The following SLC4A1 variants were observed in gnomAD, a reference collection of about 807,000 sequenced individuals.
SLC4A1 encodes the protein solute carrier family 4 member 1 (Diego blood group), also known as band 3 anion transport protein.
SLC4A1 carries 29 observed loss-of-function variants against 93.1 expected under a neutral mutation model. That is an observed-to-expected ratio of 0.31 (90% confidence interval 0.23 to 0.42). The LOEUF (loss-of-function observed/expected upper bound fraction) is 0.42, where lower values mean the gene tolerates loss of function less well. Among genes scored for constraint, SLC4A1 ranks in the 20% least tolerant of loss-of-function variants. SLC4A1 has a pLI of 1.00. For missense variants in SLC4A1, 965 were observed against 1,190.1 expected, an observed-to-expected ratio of 0.81 and a Z score of 2.78; for synonymous variants, 469 against 497.2, an observed-to-expected ratio of 0.94 and a Z score of 0.76.
At chr17:44,262,815 C>T (rs773994739) in intron 2 of SLC4A1, 37 bp downstream of exon 2, 19 of 1,611,894 alleles carry the variant, frequency 1.2e-5, no homozygotes, top group Non-Finnish European at 1.5e-5. Flanking sequence ...CCCAGAGCCT[C>T]CAGGTGGGAG....
chr17:44,261,487 C>A, intron 4 of SLC4A1, 88 bp downstream of exon 4: 1 of 1,609,312 alleles, frequency 6.2e-7, no homozygotes, highest in East Asian at 2.2e-5. Context: ...CCTGAAGCTG[C>A]CTCTATCCCC....
intron 3 of SLC4A1, among the ~76,000 whole-genome samples, chr17:44,262,387 C>T (rs1393209283): frequency 6.6e-6 from 1 of 152,248 alleles, no homozygotes; most frequent in African/African-American, 2.4e-5. Flanking sequence ...CGCCCTTGTC[C>T]CAAACTGGCT....
Position 44,262,914 on chromosome 17 carries a change from C to T in SLC4A1, c.-48G>A, listed in dbSNP as rs766648111. The T allele has an allele frequency of 1.2e-6, 2 of 1,613,614 alleles. No individual in the cohort carries two copies. Among genetic ancestry groups the T allele is most frequent in the Admixed American group, 1.7e-5 (1 of 60,030 alleles). On this transcript the variant is annotated 5_prime_UTR_variant, in exon 2 of 20. An upstream start codon of the reference 5' UTR is lost. Transcript: ENST00000262418. ...TGTCTACGGTGATCTGAGCCCCCAG[C>T]ATAACCCGCACCGCGGGTCCCTGCA...
At chr17:44,251,967 C>G (rs1198283728) in intron 17 of SLC4A1, among the ~76,000 whole-genome samples, 3 of 150,410 alleles carry the variant, frequency 2.0e-5, no homozygotes, top group South Asian at 2.1e-4. Context: ...GTCTTGAACT[C>G]CTGGGCTCAA....
chr17:44,257,913 G>T, intron 11 of SLC4A1, 73 bp downstream of exon 11: 1 of 1,606,982 alleles, frequency 6.2e-7, no homozygotes. Flanking sequence ...GTCAGACAGA[G>T]TCAGAAGTTG....
intron 2 of SLC4A1, 34 bp downstream of exon 2, chr17:44,262,818 G>C (rs781444304): frequency 1.2e-6 from 2 of 1,611,932 alleles, no homozygotes; most frequent in Non-Finnish European, 1.7e-6. Flanking sequence ...AGAGCCTCCA[G>C]GTGGGAGCAC....
At chr17:44,260,150 C>G (rs372028901) in intron 6 of SLC4A1, among the ~76,000 whole-genome samples, 1 of 152,176 alleles carries the variant, frequency 6.6e-6, no homozygotes, top group African/African-American at 2.4e-5. Context: ...TCTGGAATGA[C>G]GAGGCGGGAT....
chr17:44,262,965 A>G (rs1172707434), intron 1 of SLC4A1, 31 bp from the exon 2 acceptor site: 1 of 1,594,772 alleles, frequency 6.3e-7, no homozygotes, highest in African/African-American at 1.3e-5. Flanking sequence ...TGAGTGGGGC[A>G]CAGGGCATCC....
At chr17:44,252,334 A>G (rs1331133791) in intron 17 of SLC4A1, among the ~76,000 whole-genome samples, 1 of 152,068 alleles carries the variant, frequency 6.6e-6, no homozygotes, top group African/African-American at 2.4e-5. Context: ...CCCGGCCTCT[A>G]TCGGTCCTTT....
At position 44,259,725 on chromosome 17, in the gene SLC4A1, G is replaced by A. The variant is rs2047424927; in HGVS notation, c.609+84C>T. 3.1e-6 allele frequency: 5 copies of A among 1,605,198 alleles called. No homozygotes were observed. In the South Asian group the frequency reaches 3.3e-5, roughly 11 times the overall value. On this transcript the variant is annotated intron_variant, in intron 7 of 19. Transcript: ENST00000262418. ...GCTTCTGGTCCCCTGCTTGTGGTCG[G>A]TTTTTCAGGACCCCTGCTGGCGTTT...
chr17:44,260,053 C>A, intron 6 of SLC4A1, 121 bp from the exon 7 acceptor site: 1 of 1,279,182 alleles, frequency 7.8e-7, no homozygotes, highest in Non-Finnish European at 1.1e-6. Context: ...ACATCTGGGA[C>A]TTCCCAGACC....
chr17:44,258,827 A>G lies in SLC4A1; in HGVS notation c.877-204T>C, dbSNP rs1318056926. ...ACAGACGGGGGCCCTGGGTGGGGAA[A>G]GGAGAAGGAACTAAAGCTAACCTGG... On this transcript the variant is annotated intron_variant, in intron 9 of 19. Coordinates refer to ENST00000262418, the MANE Select transcript of SLC4A1 (RefSeq NM_000342.4). This position sits in a 1 kb window ranked among gnomAD's most constrained non-coding sequence, Gnocchi z 6.1. Among the ~76,000 whole-genome samples, 1 of 152,104 alleles carries G rather than the reference A, an allele frequency of 6.6e-6. No homozygotes were observed. Among genetic ancestry groups the G allele is most frequent in the Non-Finnish European group, 1.5e-5 (1 of 68,018 alleles).
intron 14 of SLC4A1, among the ~76,000 whole-genome samples, 185 bp downstream of exon 14, chr17:44,255,488 T>C (rs1037877872): frequency 6.6e-6 from 1 of 151,898 alleles, no homozygotes; most frequent in African/African-American, 2.4e-5. Context: ...GGGCATGCCA[T>C]GAAAGTGGGA....
intron 4 of SLC4A1, 152 bp downstream of exon 4, chr17:44,261,423 C>T (rs1297449930): frequency 2.2e-6 from 3 of 1,340,814 alleles, no homozygotes; most frequent in Non-Finnish European, 2.1e-6. Flanking sequence ...GGGCGTCCCT[C>T]CCACCTGTTT....
intron 17 of SLC4A1, 132 bp from the exon 18 acceptor site, chr17:44,251,720 C>T (rs375109617): frequency 0.011 from 4,292 of 389,708 alleles, no homozygotes; most frequent in South Asian, 0.022. Flanking sequence ...CTTTTCTTTT[C>T]TTTTTTTTTT....
intron 2 of SLC4A1, 50 bp from the exon 3 acceptor site, chr17:44,262,776 C>T (rs1452599201): frequency 1.2e-6 from 2 of 1,608,776 alleles, no homozygotes; most frequent in Non-Finnish European, 1.7e-6. Context: ...CTTCCACCCC[C>T]AACGAAGATA....
Position 44,250,074 on chromosome 17 carries a change from G to T in SLC4A1, c.*384C>A. On this transcript the variant is annotated 3_prime_UTR_variant, in exon 20 of 20. Transcript: ENST00000262418. Reference sequence around the variant, plus strand: ...GGAAATATAGGCTGGAAAGGTCAAGGGACTTGCCCAAGGTCACACAGCAAG... The same window carrying T: ...GGAAATATAGGCTGGAAAGGTCAAGTGACTTGCCCAAGGTCACACAGCAAG... The T allele has an allele frequency of 3.3e-6, 1 of 301,394 alleles. No individual in the cohort carries two copies. Among genetic ancestry groups the T allele is most frequent in the Middle Eastern group, 1.2e-3 (1 of 852 alleles). The allele number at this position is 301,394 out of a possible 1,614,324, so 18.7% of individuals were successfully genotyped here.
In SLC4A1 at chr17:44,259,134, C is replaced by T. The variant is rs1365192058; in HGVS notation, c.876+29G>A. 7.4e-6 allele frequency: 12 copies of T among 1,611,992 alleles called. No individual in the cohort carries two copies. In the East Asian group the frequency reaches 2.2e-4, roughly 30 times the overall value. ...CCACCATGCAGGTCCCAAGCTTCCC[C>T]AGCCCAGCCCTCTCCGGCCCTTCCT... On this transcript the variant is annotated intron_variant, in intron 9 of 19. Transcript: ENST00000262418.
chr17:44,251,449 C>T lies in SLC4A1; in HGVS notation c.2451G>A (p.Lys817=). 1.9e-6 allele frequency: 3 copies of T among 1,614,198 alleles called. No individual in the cohort carries two copies. Among genetic ancestry groups the T allele is most frequent in the Non-Finnish European group, 2.5e-6 (3 of 1,180,040 alleles). ...TGACGTAGGGCACATCTGGGTGATA[C>T]TTGGGTGGCTTGAACAGAAGCAAGA... is the stretch of plus-strand genomic sequence containing the variant. ...DRILLLFKPP[K]YHPDVPYVKR... Residue 817 remains lysine (K), a synonymous_variant, in exon 18 of 20, where the codon AAG becomes AAA. Transcript: ENST00000262418.
Sources: allele counts gnomAD v4.1 joint callset (sites outside exome capture counted in the v4.1 genomes callset), GRCh38; gene constraint gnomAD v4.1.1; non-coding constraint Gnocchi (gnomAD v3.1); transcripts MANE v1.5; gene names NCBI Gene and HGNC (gene_info 2026-07-23, HGNC 2026-07-21).